The following DMD variants were observed in gnomAD, a reference collection of about 807,000 sequenced individuals.
DMD encodes the protein dystrophin.
A neutral mutation model predicts 330.1 loss-of-function variants in DMD; 63 were observed. The observed-to-expected ratio is 0.19, with a 90% CI of 0.16 to 0.24. The LOEUF (loss-of-function observed/expected upper bound fraction) is 0.24, where lower values mean the gene tolerates loss of function less well. DMD is among the 10% of genes least tolerant of loss of function. DMD has a pLI of 1.00. For synonymous variants in DMD, 1,223 were observed against 959.8 expected, an observed-to-expected ratio of 1.27 and a Z score of -5.07; for missense variants, 3,344 against 2,684.1, an observed-to-expected ratio of 1.25 and a Z score of -5.43.
intron 71 of DMD, among the ~76,000 whole-genome samples, chrX:31,176,973 A>C (rs2040573139): frequency 9.0e-6 from 1 of 111,503 alleles, no homozygotes; most frequent in East Asian, 2.8e-4. Context: ...ACAATAAAAA[A>C]GATTTAATAA....
chrX:31,805,336 T>A lies in DMD; in HGVS notation c.7309+14639A>T, dbSNP rs1443730623. ...GCTTTGGGAGACCATTCTACCTTTG[T>A]ACAAGTATGCCATTTCAAGTTTCAA... On this transcript the variant is annotated intron_variant, in intron 50 of 78. Coordinates refer to ENST00000357033, the MANE Select transcript of DMD (RefSeq NM_004006.3). Among the ~76,000 whole-genome samples the A allele has an allele frequency of 3.6e-5, 4 of 112,224 alleles. No homozygotes were observed. In the South Asian group the frequency reaches 1.1e-3, roughly 31 times the overall value.
chrX:33,051,646 A>ATTTTTTTTTTTGTTTTTTTTTTTTTTTTT (rs2094458606), intron 1 of DMD, among the ~76,000 whole-genome samples: 1 of 71,959 alleles, frequency 1.4e-5, no homozygotes, highest in African/African-American at 6.5e-5. Context: ...ATTACGCTCT[A>ATTTTTTTTTTTGTTTTTTTTTTTTTTTTT]TTTTTTTTTT....
At chrX:31,914,757 G>A (rs767412011) in intron 47 of DMD, among the ~76,000 whole-genome samples, 1 of 112,070 alleles carries the variant, frequency 8.9e-6, no homozygotes. Flanking sequence ...AGTCGGGGAG[G>A]GGGCAGCGGG....
chrX:31,535,548 T>C (rs1942662122), intron 55 of DMD, among the ~76,000 whole-genome samples: 1 of 101,898 alleles, frequency 9.8e-6, no homozygotes, highest in Non-Finnish European at 2.0e-5. Flanking sequence ...GAAGAAAACC[T>C]AGGCATTACC....
At chrX:31,909,924 CAG>C (rs1477941715) in intron 47 of DMD, among the ~76,000 whole-genome samples, 1 of 111,783 alleles carries the variant, frequency 8.9e-6, no homozygotes, top group African/African-American at 3.2e-5. Context: ...TTTTGAACTC[CAG>C]AGAGAGATTT....
At chrX:32,333,486 G>A (rs760917196) in intron 41 of DMD, among the ~76,000 whole-genome samples, 1 of 111,280 alleles carries the variant, frequency 9.0e-6, no homozygotes, top group South Asian at 3.8e-4. Flanking sequence ...ACTTTCTAAG[G>A]AAATACAGCA....
At chrX:31,774,363 CT>C (rs1325095880) in intron 50 of DMD, among the ~76,000 whole-genome samples, 171 bp from the exon 51 acceptor site, 1 of 111,651 alleles carries the variant, frequency 9.0e-6, no homozygotes, top group Non-Finnish European at 1.9e-5. Context: ...AATGTGGATA[CT>C]TTGTTTAGCA....
Position 33,009,746 on chromosome X carries a change from ATGTGTATATG to A in DMD, c.93+10383_93+10392del, listed in dbSNP as rs1182701040. Among the ~76,000 whole-genome samples, 14 of 47,343 alleles carry A rather than the reference ATGTGTATATG, an allele frequency of 3.0e-4. No individual in the cohort carries two copies. The East Asian group carries it at 3.4e-3, about 11-fold the overall frequency. 41.1% of individuals were successfully genotyped at this position (47,343 alleles called of 115,157 possible). ...TGTGTATATGTGTATATACACACAT[ATGTGTATATG>A]TGTGTATATGTGTATATACACACAT... On this transcript the variant is annotated intron_variant, in intron 2 of 78. Transcript: ENST00000357033.
upstream of DMD, chrX:33,211,641 T>A: frequency 2.5e-6 from 2 of 810,593 alleles, no homozygotes; most frequent in South Asian, 3.3e-5. Flanking sequence ...TGGTTTCCCA[T>A]AATAGGACTG....
chrX:31,653,890 A>C lies in DMD; in HGVS notation c.8027+4100T>G, dbSNP rs189337993. 5.4e-5 allele frequency among the ~76,000 whole-genome samples: 6 copies of C among 111,682 alleles called. No homozygotes were observed. In the East Asian group the frequency reaches 1.7e-3, roughly 32 times the overall value. On this transcript the variant is annotated intron_variant, in intron 54 of 78. Coordinates refer to ENST00000357033, the MANE Select transcript of DMD (RefSeq NM_004006.3). The stretch of plus-strand genomic sequence containing the variant: ...CCTACATAGGTCACAACAATAATCT[A>C]TGTTCAGATCTGGGTTTCTAAACTG...
At chrX:33,076,087 G>A (rs985616187) in intron 1 of DMD, among the ~76,000 whole-genome samples, 1 of 110,370 alleles carries the variant, frequency 9.1e-6, no homozygotes, top group Non-Finnish European at 1.9e-5. Context: ...GGATCAACTG[G>A]TACCACACAG....
intron 2 of DMD, among the ~76,000 whole-genome samples, chrX:32,894,966 G>C (rs1425784398): frequency 2.7e-5 from 3 of 112,025 alleles, no homozygotes; most frequent in African/African-American, 9.7e-5. Context: ...AGTTCTGGAG[G>C]CTTTAAGTCC....
intron 48 of DMD, among the ~76,000 whole-genome samples, chrX:31,842,783 GGTGA>G (rs2093341737): frequency 9.0e-6 from 1 of 111,381 alleles, no homozygotes; most frequent in African/African-American, 3.3e-5. Flanking sequence ...ATATTTATTG[GGTGA>G]TACTGAGGTT....
intron 62 of DMD, among the ~76,000 whole-genome samples, chrX:31,313,846 TA>T (rs1322529163): frequency 9.1e-6 from 1 of 109,406 alleles, no homozygotes; most frequent in African/African-American, 3.3e-5. Context: ...TTTATTTATT[TA>T]TTTTGAGATG....
At chrX:33,106,202 T>C (rs375412404) in intron 1 of DMD, among the ~76,000 whole-genome samples, 1 of 111,056 alleles carries the variant, frequency 9.0e-6, no homozygotes, top group African/African-American at 3.3e-5. Flanking sequence ...AAATACTGTG[T>C]GTTCTCACTT....
intron 1 of DMD, among the ~76,000 whole-genome samples, chrX:33,138,790 G>T (rs997833641): frequency 1.8e-5 from 2 of 110,891 alleles, no homozygotes; most frequent in African/African-American, 3.3e-5. Flanking sequence ...ACTTATAACA[G>T]TTCTCCTTTT....
chrX:32,624,302 G>C (rs1380690235), intron 11 of DMD, among the ~76,000 whole-genome samples: 1 of 111,641 alleles, frequency 9.0e-6, no homozygotes, highest in East Asian at 2.8e-4. Flanking sequence ...TATAGGGCAG[G>C]AGTTGGTCCT....
chrX:32,670,660 G>A (rs1293181846), intron 9 of DMD, among the ~76,000 whole-genome samples: 1 of 111,974 alleles, frequency 8.9e-6, no homozygotes, highest in African/African-American at 3.2e-5. Context: ...TGCAAACCTT[G>A]TTCTATTTGG....
intron 55 of DMD, among the ~76,000 whole-genome samples, chrX:31,517,948 C>T (rs1659136895): frequency 9.1e-6 from 1 of 109,415 alleles, no homozygotes; most frequent in African/African-American, 3.3e-5. Flanking sequence ...CACACACACA[C>T]ACACACACAC....
Sources: gnomAD v4.1 joint callset for allele counts (sites outside exome capture counted in the v4.1 genomes callset) on GRCh38, gnomAD v4.1.1 for gene constraint, MANE v1.5 for transcripts, NCBI Gene and HGNC (gene_info 2026-07-23, HGNC 2026-07-21) for gene names.